DCDC1: variants seen among roughly 807,000 people sequenced by gnomAD.
DCDC1 encodes doublecortin domain-containing protein 1.
In DCDC1, 200 loss-of-function variants were observed where a neutral mutation model predicts 178.3. That is an observed-to-expected ratio of 1.12 (90% CI 1.00 to 1.26). DCDC1 has a LOEUF of 1.26. Ranked by LOEUF, DCDC1 falls within the 50% of genes most tolerant of loss-of-function variation. The pLI is 0.00. For missense variants in DCDC1, 1,983 were observed against 1,749.2 expected (o/e 1.13, Z -2.38); for synonymous variants, 690 against 604.8 (o/e 1.14, Z -2.07).
chr11:31,176,783 G>A (rs554693487), intron 9 of DCDC1, among the ~76,000 whole-genome samples: 3 of 152,052 alleles, frequency 2.0e-5, no homozygotes, highest in East Asian at 1.9e-4. Flanking sequence ...ACTCAGCAAA[G>A]AATACTATAT....
chr11:31,176,697 G>T (rs570072175), intron 9 of DCDC1, among the ~76,000 whole-genome samples: 2 of 152,264 alleles, frequency 1.3e-5, no homozygotes, highest in South Asian at 4.1e-4. Context: ...TAGACTATCA[G>T]CAGATTTCTC....
intron 20 of DCDC1, among the ~76,000 whole-genome samples, chr11:31,017,168 T>TTAAAGTATAG (rs1209270953): frequency 6.6e-6 from 1 of 152,178 alleles, no homozygotes; most frequent in Non-Finnish European, 1.5e-5. Flanking sequence ...AAGCAGTATT[T>TTAAAGTATAG]TAAAGTATAG....
chr11:30,959,541 G>C (rs1239578444), intron 20 of DCDC1, among the ~76,000 whole-genome samples: 2 of 152,100 alleles, frequency 1.3e-5, no homozygotes, highest in Non-Finnish European at 2.9e-5. Context: ...TGGGTATGGA[G>C]TGTTCCTTCA....
chr11:30,899,408 AAAAC>A, intron 34 of DCDC1, 129 bp downstream of exon 34: 4 of 499,460 alleles, frequency 8.0e-6, no homozygotes, highest in Non-Finnish European at 1.3e-5. Flanking sequence ...TGATTTCTGT[AAAAC>A]AATATTTATA....
chr11:31,041,078 C>A (rs1954414845), intron 20 of DCDC1, among the ~76,000 whole-genome samples: 2 of 152,170 alleles, frequency 1.3e-5, no homozygotes, highest in African/African-American at 2.4e-5. Flanking sequence ...TAGTTTTAAT[C>A]ATTAATTCAT....
In DCDC1 at chr11:30,915,487, T is replaced by A. The variant is rs760399423; in HGVS notation, c.3653+24A>T. The A allele has an allele frequency of 1.7e-5, 28 of 1,613,494 alleles. No homozygotes were observed. The East Asian group carries it at 6.0e-4, about 35-fold the overall frequency. ...GGATCCTATTCACCTTTTGATATAG[T>A]AAACCCAAATATAATGGGATTACCT... On this transcript the variant is annotated intron_variant, in intron 27 of 38. Transcript: ENST00000684477.
At chr11:31,298,259 A>G (rs1947844930) in intron 6 of DCDC1, among the ~76,000 whole-genome samples, 1 of 152,084 alleles carries the variant, frequency 6.6e-6, no homozygotes, top group African/African-American at 2.4e-5. Flanking sequence ...CTCCACAACC[A>G]ACTGCCAAAG....
intron 9 of DCDC1, among the ~76,000 whole-genome samples, chr11:31,227,874 A>G (rs539296046): frequency 6.6e-6 from 1 of 152,200 alleles, no homozygotes; most frequent in African/African-American, 2.4e-5. Context: ...ATAAAACAAA[A>G]TGGACTTCAG....
chr11:31,185,347 G>T (rs1419714858), intron 9 of DCDC1, among the ~76,000 whole-genome samples: 1 of 151,968 alleles, frequency 6.6e-6, no homozygotes, highest in Admixed American at 6.6e-5. Context: ...ACGATGGCAC[G>T]TGTATAGCTA....
chr11:31,161,808 T>C (rs770240327), intron 9 of DCDC1, among the ~76,000 whole-genome samples: 47 of 152,342 alleles, frequency 3.1e-4, no homozygotes, highest in Non-Finnish European at 5.4e-4. Context: ...TTGGCAAACA[T>C]CTTCAGTACA....
At chr11:30,893,111 T>A (rs1350203437) in intron 35 of DCDC1, 114 bp from the exon 36 acceptor site, 6 of 1,205,892 alleles carry the variant, frequency 5.0e-6, no homozygotes, top group Admixed American at 2.7e-5. Flanking sequence ...ATGGAAAAAA[T>A]TTTAGGAAGT....
intron 9 of DCDC1, among the ~76,000 whole-genome samples, chr11:31,180,508 T>C (rs1968644220): frequency 6.6e-6 from 1 of 152,038 alleles, no homozygotes; most frequent in African/African-American, 2.4e-5. Context: ...ACCCATCTCG[T>C]CTCATTGGGA....
chr11:31,071,790 T>C (rs924303459), intron 18 of DCDC1, among the ~76,000 whole-genome samples: 1 of 152,172 alleles, frequency 6.6e-6, no homozygotes, highest in Admixed American at 6.5e-5. Context: ...CTCACTCTTT[T>C]GTCTAGCTCA....
chr11:31,118,572 C>T (rs909620576), intron 11 of DCDC1, among the ~76,000 whole-genome samples: 5 of 152,098 alleles, frequency 3.3e-5, no homozygotes, highest in Admixed American at 6.6e-5. Context: ...GGAATCTCAG[C>T]AACTTGAACA....
intron 29 of DCDC1, among the ~76,000 whole-genome samples, chr11:30,908,396 G>T (rs556471494): frequency 6.6e-6 from 1 of 152,142 alleles, no homozygotes; most frequent in East Asian, 1.9e-4. Flanking sequence ...GTCACATAGA[G>T]ACCTTATTTG....
At chr11:30,870,196 AC>A (rs1328653135) in intron 38 of DCDC1, among the ~76,000 whole-genome samples, 2 of 152,126 alleles carry the variant, frequency 1.3e-5, no homozygotes, top group Admixed American at 1.3e-4. Context: ...AGTCCTGTTG[AC>A]CCTGGTATGT....
chr11:31,057,265 A>AAGGG (rs566614815), intron 20 of DCDC1, among the ~76,000 whole-genome samples: 3,486 of 128,320 alleles, frequency 0.027, 179 homozygotes, highest in African/African-American at 0.093. Context: ...GGAAGGAAGG[A>AAGGG]AGGGAGGGAG....
intron 9 of DCDC1, among the ~76,000 whole-genome samples, chr11:31,216,940 A>C (rs993330418): frequency 6.6e-6 from 1 of 152,222 alleles, no homozygotes. Flanking sequence ...TCTTTATTTT[A>C]AAAATTAATT....
chr11:31,327,596 C>T (rs1331361047), intron 3 of DCDC1, among the ~76,000 whole-genome samples: 1 of 152,098 alleles, frequency 6.6e-6, no homozygotes, highest in Non-Finnish European at 1.5e-5. Flanking sequence ...AAGTCAGATC[C>T]CAGAGATAAT....
Sources: allele counts gnomAD v4.1 joint callset (sites outside exome capture counted in the v4.1 genomes callset), GRCh38; gene constraint gnomAD v4.1.1; transcripts MANE v1.5; gene names NCBI Gene and HGNC (gene_info 2026-07-23, HGNC 2026-07-21).